The following BRINP2 variants were observed in gnomAD, a reference collection of about 807,000 sequenced individuals.
The protein encoded by BRINP2 is BMP/retinoic acid inducible neural specific 2, also known as BMP/retinoic acid-inducible neural-specific protein 2.
In BRINP2, 21 loss-of-function variants were observed where a neutral mutation model predicts 69.2. The observed-to-expected ratio is 0.30, with a 90% CI of 0.22 to 0.44. BRINP2 has a LOEUF of 0.44. Among genes scored for constraint, BRINP2 ranks in the 20% least tolerant of loss-of-function variants. BRINP2 has a pLI of 1.00. For synonymous variants in BRINP2, 380 were observed against 394.1 expected (o/e 0.96, Z 0.42); for missense variants, 877 against 986.0 (o/e 0.89, Z 1.48).
At chr1:177,240,112 G>A (rs565076338) in intron 2 of BRINP2, among the ~76,000 whole-genome samples, 6 of 152,282 alleles carry the variant, frequency 3.9e-5, no homozygotes, top group African/African-American at 1.4e-4. Context: ...CAGTGCCCTA[G>A]AGAATTCTCA....
intron 1 of BRINP2, among the ~76,000 whole-genome samples, chr1:177,175,294 G>GT (rs571606766): frequency 6.6e-6 from 1 of 152,038 alleles, no homozygotes; most frequent in African/African-American, 2.4e-5. Context: ...GCGGGGTGGG[G>GT]GGGGCAGGAT....
chr1:177,228,641 G>A lies in BRINP2; in HGVS notation c.-76-1160G>A, dbSNP rs1443980857. Among the ~76,000 whole-genome samples, 2 of 152,226 alleles carry A rather than the reference G, an allele frequency of 1.3e-5. 1 individual carries two copies. The highest frequency in any genetic ancestry group is 3.9e-4 in the East Asian group (2 of 5,190). On this transcript the variant is annotated intron_variant, in intron 1 of 7. Coordinates refer to ENST00000361539, the MANE Select transcript of BRINP2 (RefSeq NM_021165.4). ...GAAATACAGGTGCTGGAGGTTGGAG[G>A]TCATTCTGGCACACACCGAATTGGT...
rs1651584867 is a variant in BRINP2, at chr1:177,278,703, A to G, written c.1153A>G (p.Lys385Glu). The G allele has an allele frequency of 6.2e-7, 1 of 1,614,178 alleles. No individual in the cohort carries two copies. The highest frequency in any genetic ancestry group is 8.5e-7 in the Non-Finnish European group (1 of 1,180,028). ...LGAGLKVLFKKTHRILRRLFN... is the reference protein window; with the variant it reads ...LGAGLKVLFKETHRILRRLFN... ...AGCTGGCTTGAAAGTGCTGTTCAAAAAGACCCATCGGATCCTACGCCGGCT... is the reference window on the plus strand; with the variant it reads ...AGCTGGCTTGAAAGTGCTGTTCAAAGAGACCCATCGGATCCTACGCCGGCT... The change falls in exon 7 of 8, where the codon AAG (lysine) becomes GAG (glutamate). Residue 385 changes from lysine (K) to glutamate (E), a missense_variant. Coordinates refer to ENST00000361539, the MANE Select transcript of BRINP2 (RefSeq NM_021165.4).
intron 2 of BRINP2, among the ~76,000 whole-genome samples, chr1:177,236,680 A>G (rs764463366): frequency 3.9e-5 from 6 of 152,208 alleles, no homozygotes; most frequent in Non-Finnish European, 8.8e-5. Flanking sequence ...AAACCGATGG[A>G]TGACTGGAGA....
At chr1:177,263,750 G>A (rs961443374) in intron 4 of BRINP2, among the ~76,000 whole-genome samples, 3 of 152,138 alleles carry the variant, frequency 2.0e-5, no homozygotes, top group African/African-American at 4.8e-5. Flanking sequence ...TATTAACAGG[G>A]AGGTAGGGTA....
chr1:177,269,248 A>C (rs1019075129), intron 4 of BRINP2, among the ~76,000 whole-genome samples: 3 of 152,192 alleles, frequency 2.0e-5, no homozygotes, highest in Non-Finnish European at 2.9e-5. Flanking sequence ...AATACTGTGA[A>C]TATCACTCTT....
intron 5 of BRINP2, among the ~76,000 whole-genome samples, chr1:177,274,765 T>A (rs1651441464): frequency 6.6e-6 from 1 of 152,000 alleles, no homozygotes. Flanking sequence ...AGGGTGAGTG[T>A]TGAAAGCAAG....
Position 177,278,626 on chromosome 1 carries a change from C to A in BRINP2, c.1076C>A (p.Ser359Tyr). 2 of 1,614,214 alleles carry A rather than the reference C, an allele frequency of 1.2e-6. No individual in the cohort carries two copies. Among genetic ancestry groups the A allele is most frequent in the Non-Finnish European group, 1.7e-6 (2 of 1,180,054 alleles). Residue 359 changes from serine (S) to tyrosine (Y), a missense_variant, in exon 7 of 8, where the codon TCC becomes TAC. This residue lies in a region of BRINP2 where 566 missense variants were observed against 625.2 expected (regional missense o/e 0.91). Coordinates refer to ENST00000361539, the MANE Select transcript of BRINP2 (RefSeq NM_021165.4). The part of the protein sequence containing the change: ...DDRFLNSTAI[S>Y]QFWAMDTSLQ... ...CGGTTCCTGAACTCCACAGCTATCT[C>A]CCAGTTCTGGGCCATGGACACCAGC...
intron 1 of BRINP2, among the ~76,000 whole-genome samples, chr1:177,222,526 G>C (rs527364015): frequency 1.3e-5 from 2 of 151,918 alleles, no homozygotes; most frequent in Non-Finnish European, 2.9e-5. Flanking sequence ...TGGCCAGGCT[G>C]GTCTCAAACT....
intron 1 of BRINP2, among the ~76,000 whole-genome samples, chr1:177,201,725 A>T (rs968380611): frequency 3.9e-5 from 6 of 152,216 alleles, no homozygotes; most frequent in African/African-American, 1.4e-4. Context: ...AAAATGAGTT[A>T]GGGAGGATTC....
At chr1:177,252,104 T>G (rs1650603556) in intron 2 of BRINP2, among the ~76,000 whole-genome samples, 1 of 152,212 alleles carries the variant, frequency 6.6e-6, no homozygotes, top group South Asian at 2.1e-4. Context: ...GAGATGAGAT[T>G]AGGCAACTGT....
At chr1:177,200,279 C>T (rs1648865393) in intron 1 of BRINP2, among the ~76,000 whole-genome samples, 3 of 82,004 alleles carry the variant, frequency 3.7e-5, no homozygotes, top group African/African-American at 4.5e-5. Flanking sequence ...GCAACAGGAG[C>T]GGAAACTCTG....
chr1:177,272,498 T>C (rs1320116209), intron 4 of BRINP2, among the ~76,000 whole-genome samples: 1 of 152,234 alleles, frequency 6.6e-6, no homozygotes, highest in Non-Finnish European at 1.5e-5. Flanking sequence ...CTTCCCTCTT[T>C]GGAGCCTATA....
Position 177,273,376 on chromosome 1 carries a change from C to T in BRINP2, c.670-112C>T, listed in dbSNP as rs1220985539. On this transcript the variant is annotated intron_variant, in intron 4 of 7. Transcript: ENST00000361539. ...TACGAAAAGGGACGTATCACTTCTA[C>T]AGCTGGTCAAGGACAGGATGTGGAA... The T allele has an allele frequency of 4.7e-6, 3 of 636,432 alleles. No homozygotes were observed. In the Admixed American group the frequency reaches 9.1e-5, roughly 19 times the overall value. 39.4% of individuals were successfully genotyped at this position (636,432 alleles called of 1,614,324 possible). A position where few individuals can be genotyped will look rare whatever the true frequency, so the allele number is the denominator to read the frequency against.
chr1:177,203,287 A>T lies in BRINP2; in HGVS notation c.-76-26514A>T, dbSNP rs571602529. On this transcript the variant is annotated intron_variant, in intron 1 of 7. Transcript: ENST00000361539. ...GGTGGGAATTGAACAATGAGAACAC[A>T]TGGACACAGGAAGGGGAACATCACA... 2.6e-5 allele frequency among the ~76,000 whole-genome samples: 4 copies of T among 152,060 alleles called. No individual in the cohort carries two copies. In the East Asian group the frequency reaches 7.7e-4, roughly 29 times the overall value.
intron 5 of BRINP2, 130 bp downstream of exon 5, chr1:177,273,723 C>T (rs1029074327): frequency 1.8e-6 from 1 of 567,846 alleles, no homozygotes; most frequent in South Asian, 2.6e-5. Context: ...AGAACTACCA[C>T]AAGTTCTGGA....
chr1:177,230,083 G>C lies in BRINP2; in HGVS notation c.207G>C (p.Gln69His), dbSNP rs1173435025. 1 of 1,613,816 alleles carries C rather than the reference G, an allele frequency of 6.2e-7. No individual in the cohort carries two copies. The highest frequency in any genetic ancestry group is 1.1e-5 in the South Asian group (1 of 91,038). The change falls in exon 2 of 8, where the codon CAG (glutamine) becomes CAC (histidine). Residue 69 changes from glutamine (Q) to histidine (H), a missense_variant. By Grantham distance (24) the Gln-to-His change is conservative. Coordinates refer to ENST00000361539, the MANE Select transcript of BRINP2 (RefSeq NM_021165.4). ...ACCGGGGCCCCTTCCACCGCGCTCA[G>C]GAGTATGCTGACTTCATGGAGCGGT... ...LTDRGPFHRA[Q>H]EYADFMERYR...
Position 177,180,839 on chromosome 1 carries a change from T to C in BRINP2, c.-77+9107T>C, listed in dbSNP as rs182216843. Among the ~76,000 whole-genome samples the C allele has an allele frequency of 5.0e-4, 76 of 152,292 alleles. No individual in the cohort carries two copies. In the East Asian group the frequency reaches 5.4e-3, roughly 11 times the overall value. On this transcript the variant is annotated intron_variant, in intron 1 of 7. Coordinates refer to ENST00000361539, the MANE Select transcript of BRINP2 (RefSeq NM_021165.4). ...TCACAGGTGATATATTAAAATTGATTTTAAAATATAAGACTTTCACTCACC... is the reference window on the plus strand; with the variant it reads ...TCACAGGTGATATATTAAAATTGATCTTAAAATATAAGACTTTCACTCACC...
intron 1 of BRINP2, among the ~76,000 whole-genome samples, chr1:177,189,997 A>G (rs1648540157): frequency 6.6e-6 from 1 of 152,172 alleles, no homozygotes; most frequent in African/African-American, 2.4e-5. Flanking sequence ...GTAAGTTTCA[A>G]CTGAACGGAA....
Sources: allele counts gnomAD v4.1 joint callset (sites outside exome capture counted in the v4.1 genomes callset), GRCh38; gene constraint gnomAD v4.1.1; regional missense constraint gnomAD v4.1.1; transcripts MANE v1.5; gene names NCBI Gene and HGNC (gene_info 2026-07-23, HGNC 2026-07-21).